The following DENND3 variants were observed in gnomAD, a reference collection of about 807,000 sequenced individuals.
DENND3 encodes DENN domain-containing protein 3.
In DENND3, 88 loss-of-function variants were observed where a neutral mutation model predicts 135.1. The observed-to-expected ratio is 0.65, with a 90% CI of 0.55 to 0.78. The LOEUF is 0.78. Ranked by LOEUF, DENND3 falls within the 30% of genes least tolerant of loss-of-function variation. The pLI is 0.00. For synonymous variants in DENND3, 693 were observed against 712.3 expected, an observed-to-expected ratio of 0.97 and a Z score of 0.43; for missense variants, 1,392 against 1,688.4, an observed-to-expected ratio of 0.82 and a Z score of 3.08.
At chr8:141,153,484 G>A (rs564243887) in intron 7 of DENND3, among the ~76,000 whole-genome samples, 1 of 152,186 alleles carries the variant, frequency 6.6e-6, no homozygotes, top group African/African-American at 2.4e-5. Context: ...TGCCAGCTTC[G>A]CAGTCACCCC....
At chr8:141,172,124 C>T (rs1482166812) in intron 13 of DENND3, among the ~76,000 whole-genome samples, 1 of 141,018 alleles carries the variant, frequency 7.1e-6, no homozygotes, top group Non-Finnish European at 1.5e-5. Flanking sequence ...TGGGCGTGCA[C>T]GGTGGTGGGC....
rs780428270 is a variant in DENND3 at position 141,175,333 on chromosome 8, T to C, written c.2409T>C (p.Cys803=). ...MEHLDKNECV[C]KLSSSVKTNL... ...ACCTGGATAAAAACGAGTGTGTGTGTAAGTTGTCCAGCTCCGTCAAGACAA... is the reference window on the plus strand; with the variant it reads ...ACCTGGATAAAAACGAGTGTGTGTGCAAGTTGTCCAGCTCCGTCAAGACAA... The change falls in exon 14 of 23, where the codon TGT becomes TGC. Residue 803 remains cysteine (C), a synonymous_variant. Coordinates refer to ENST00000519811, the MANE Select transcript of DENND3 (RefSeq NM_001352890.3). This position sits in a 1 kb window ranked among gnomAD's most constrained non-coding sequence, Gnocchi z 5.4. The C allele has an allele frequency of 1.2e-6, 2 of 1,614,250 alleles. No homozygotes were observed. Among genetic ancestry groups the C allele is most frequent in the Non-Finnish European group, 1.7e-6 (2 of 1,180,052 alleles).
In DENND3 at chr8:141,195,142, T is replaced by G. The variant is rs1825205895; in HGVS notation, c.*909T>G. 1 of 152,284 alleles carries G rather than the reference T, an allele frequency of 6.6e-6. No homozygotes were observed. Among genetic ancestry groups the G allele is most frequent in the South Asian group, 2.1e-4 (1 of 4,838 alleles). 9.4% of individuals were successfully genotyped at this position (152,284 alleles called of 1,614,324 possible). On this transcript the variant is annotated 3_prime_UTR_variant, in exon 23 of 23. Coordinates refer to ENST00000519811, the MANE Select transcript of DENND3 (RefSeq NM_001352890.3). ...TATGTGTACGCGCAGCATGCTATAC[T>G]GAACTCAACAAGATCTTGGCTGTAC...
rs1183600427 is a variant in DENND3, at chr8:141,174,444, T to A, written c.2276-756T>A. Among the ~76,000 whole-genome samples the A allele has an allele frequency of 6.6e-6, 1 of 152,060 alleles. No individual in the cohort carries two copies. On this transcript the variant is annotated intron_variant, in intron 13 of 22. Coordinates refer to ENST00000519811, the MANE Select transcript of DENND3 (RefSeq NM_001352890.3). The surrounding 1 kb of genome is among the most constrained non-coding windows in gnomAD (Gnocchi z 4.6). ...AGAGCCGAGCAGGCAGGCTAGGGGCTTGAGTTGGCAGGACCTGCCGGCAGG... is the reference window on the plus strand; with the variant it reads ...AGAGCCGAGCAGGCAGGCTAGGGGCATGAGTTGGCAGGACCTGCCGGCAGG...
intron 5 of DENND3, among the ~76,000 whole-genome samples, chr8:141,149,203 C>T (rs1390520512): frequency 6.6e-6 from 1 of 152,240 alleles, no homozygotes; most frequent in Admixed American, 6.5e-5. Flanking sequence ...AGCCACCACA[C>T]CCGGCCGAAT....
rs959649107 is a variant in DENND3, at chr8:141,154,997, C to G, written c.1075-852C>G. Among the ~76,000 whole-genome samples, 3 of 152,168 alleles carry G rather than the reference C, an allele frequency of 2.0e-5. No homozygotes were observed. Among genetic ancestry groups the G allele is most frequent in the African/African-American group, 7.2e-5 (3 of 41,430 alleles). On this transcript the variant is annotated intron_variant, in intron 7 of 22. Coordinates refer to ENST00000519811, the MANE Select transcript of DENND3 (RefSeq NM_001352890.3). The surrounding 1 kb of genome is among the most constrained non-coding windows in gnomAD (Gnocchi z 4.4). ...TCAGATGGGTGAGCCTCACAGACAT[C>G]AACGTGGAGTGAAATAGGCCAGTCC... is the stretch of plus-strand genomic sequence containing the variant.
chr8:141,175,084 C>CGCCACCT lies in DENND3; in HGVS notation c.2276-113_2276-107dup. On this transcript the variant is annotated intron_variant, in intron 13 of 22. Transcript: ENST00000519811. This position sits in a 1 kb window ranked among gnomAD's most constrained non-coding sequence, Gnocchi z 5.4. ...TTCCATCCAGCGCCCTGAGTGCTGG[C>CGCCACCT]GCCACCTGCTGCCGGGTTCCGGTAG... The CGCCACCT allele has an allele frequency of 8.0e-7, 1 of 1,256,974 alleles. No homozygotes were observed. Among genetic ancestry groups the CGCCACCT allele is most frequent in the African/African-American group, 1.5e-5 (1 of 66,846 alleles). 77.9% of individuals were successfully genotyped at this position (1,256,974 alleles called of 1,614,324 possible). A position where few individuals can be genotyped will look rare whatever the true frequency, so the allele number is the denominator to read the frequency against.
At chr8:141,143,251 CAG>C (rs1436273950) in intron 4 of DENND3, among the ~76,000 whole-genome samples, 2 of 152,138 alleles carry the variant, frequency 1.3e-5, no homozygotes, top group Non-Finnish European at 2.9e-5. Flanking sequence ...TTTTGGGAAT[CAG>C]AGTATGGGTA....
At chr8:141,149,038 G>A (rs1157974628) in intron 5 of DENND3, among the ~76,000 whole-genome samples, 1 of 151,914 alleles carries the variant, frequency 6.6e-6, no homozygotes, top group Non-Finnish European at 1.5e-5. Context: ...AACCTCCCGA[G>A]TAGCTGGGAT....
In DENND3 at chr8:141,185,257, T is replaced by G. The variant is rs1823743980; in HGVS notation, c.3063T>G (p.Phe1021Leu). ...ASSWTIHQHS[F>L]KVGTAKVNCM... ...CATGGACCATCCACCAGCACTCCTT[T>G]AAAGTGGGCACTGCAAAAGTGGTGA... The change falls in exon 18 of 23, where the codon TTT (phenylalanine) becomes TTG (leucine). Residue 1021 changes from phenylalanine (F) to leucine (L), a missense_variant. Phe to Leu is a conservative substitution (Grantham distance 22). Transcript: ENST00000519811. The G allele has an allele frequency of 6.2e-7, 1 of 1,614,148 alleles. No individual in the cohort carries two copies. The highest frequency in any genetic ancestry group is 8.5e-7 in the Non-Finnish European group (1 of 1,180,022).
Position 141,141,816 on chromosome 8 carries a change from G to A in DENND3, c.623+492G>A, listed in dbSNP as rs955156307. 2.6e-5 allele frequency: 5 copies of A among 192,438 alleles called. No homozygotes were observed. The highest frequency in any genetic ancestry group is 3.3e-5 in the Non-Finnish European group (3 of 90,888). The allele number at this position is 192,438 out of a possible 1,614,324, so 11.9% of individuals were successfully genotyped here. On this transcript the variant is annotated intron_variant, in intron 4 of 22. Transcript: ENST00000519811. The surrounding 1 kb of genome is among the most constrained non-coding windows in gnomAD (Gnocchi z 5.3). ...CCAGCATATTGGGAGACTAAGATGG[G>A]AGGACTGCTTGAGCCGAGGGGTTTG...
In DENND3 at chr8:141,146,661, C is replaced by T. The variant is rs1373532618; in HGVS notation, c.735+2402C>T. 1.3e-5 allele frequency among the ~76,000 whole-genome samples: 2 copies of T among 152,038 alleles called. No individual in the cohort carries two copies. The highest frequency in any genetic ancestry group is 4.8e-5 in the African/African-American group (2 of 41,386). ...CACATGATTGTGAACTTAAAATGTGCGTTTTTAACATTACCCCAACCCCAG... is the reference window on the plus strand; with the variant it reads ...CACATGATTGTGAACTTAAAATGTGTGTTTTTAACATTACCCCAACCCCAG... On this transcript the variant is annotated intron_variant, in intron 5 of 22. Coordinates refer to ENST00000519811, the MANE Select transcript of DENND3 (RefSeq NM_001352890.3). The surrounding 1 kb of genome is among the most constrained non-coding windows in gnomAD (Gnocchi z 4.3).
At chr8:141,153,749 T>C (rs1457146857) in intron 7 of DENND3, among the ~76,000 whole-genome samples, 1 of 152,186 alleles carries the variant, frequency 6.6e-6, no homozygotes, top group Admixed American at 6.5e-5. Flanking sequence ...AAATAAGCTG[T>C]GTTGTGAAGT....
In DENND3 at chr8:141,168,471, G is replaced by C. The variant is rs1390110778; in HGVS notation, c.2221G>C (p.Gly741Arg). ...GDFMKRVQES[G>R]IVKDASIIHR... ...CTTCATGAAGCGGGTCCAGGAGTCA[G>C]GGATCGTGAAGGACGCCAGCATCAT... The change falls in exon 13 of 23, where the codon GGG (glycine) becomes CGG (arginine). Residue 741 changes from glycine (G) to arginine (R), a missense_variant. Physicochemically the swap from Gly to Arg is moderately radical, Grantham distance 125 (BLOSUM62 -2). Transcript: ENST00000519811. This position sits in a 1 kb window ranked among gnomAD's most constrained non-coding sequence, Gnocchi z 6.2. 6.2e-7 allele frequency: 1 copy of C among 1,613,448 alleles called. No homozygotes were observed. The highest frequency in any genetic ancestry group is 8.5e-7 in the Non-Finnish European group (1 of 1,179,952).
At chr8:141,193,769 T>C (rs542704125) in intron 22 of DENND3, 1 of 548,582 alleles carries the variant, frequency 1.8e-6, no homozygotes, top group Admixed American at 3.1e-5. Flanking sequence ...TGTTGTTTGG[T>C]GAGAACACTT....
chr8:141,157,849 T>C, intron 8 of DENND3: 1 of 921,306 alleles, frequency 1.1e-6, no homozygotes, highest in Non-Finnish European at 1.3e-6. Flanking sequence ...AACCTCCGCC[T>C]TCCAGGTTCA....
At chr8:141,153,203 C>T (rs1251553538) in intron 7 of DENND3, among the ~76,000 whole-genome samples, 41 of 151,066 alleles carry the variant, frequency 2.7e-4, no homozygotes, top group Non-Finnish European at 6.0e-4. Context: ...AAGCGATTCT[C>T]CTGTCTCAGC....
In DENND3 at chr8:141,160,699, G is replaced by C; in HGVS notation, c.1264G>C (p.Glu422Gln). Residue 422 changes from glutamate to glutamine, a missense_variant, in exon 9 of 23, where the codon GAG becomes CAG. Coordinates refer to ENST00000519811, the MANE Select transcript of DENND3 (RefSeq NM_001352890.3). Reference sequence around the variant, plus strand: ...CCTCCTCTCCAGCACAGACCTGAAGGAGGGCCGAGCCCACCGGCGGTCCTG... The same window carrying C: ...CCTCCTCTCCAGCACAGACCTGAAGCAGGGCCGAGCCCACCGGCGGTCCTG... ...AHLLSSTDLK[E>Q]GRAHRRSWQQ... 1.2e-6 allele frequency: 2 copies of C among 1,613,472 alleles called. No homozygotes were observed. Among genetic ancestry groups the C allele is most frequent in the Non-Finnish European group, 1.7e-6 (2 of 1,179,902 alleles).
rs1825191423 is a variant in DENND3 at position 141,194,968 on chromosome 8, C to T, written c.*735C>T. ...AAAAAGTTCCATCTAAAATATCATGCCCAGGAAAGCACATGGGATCAAAAG... is the reference window on the plus strand; with the variant it reads ...AAAAAGTTCCATCTAAAATATCATGTCCAGGAAAGCACATGGGATCAAAAG... On this transcript the variant is annotated 3_prime_UTR_variant, in exon 23 of 23. Coordinates refer to ENST00000519811, the MANE Select transcript of DENND3 (RefSeq NM_001352890.3). 6.6e-6 allele frequency: 1 copy of T among 152,210 alleles called. No individual in the cohort carries two copies. The highest frequency in any genetic ancestry group is 6.5e-5 in the Admixed American group (1 of 15,280). 9.4% of individuals were successfully genotyped at this position (152,210 alleles called of 1,614,324 possible).
Sources: allele counts gnomAD v4.1 joint callset (sites outside exome capture counted in the v4.1 genomes callset), GRCh38; gene constraint gnomAD v4.1.1; non-coding constraint Gnocchi (gnomAD v3.1); transcripts MANE v1.5; gene names NCBI Gene and HGNC (gene_info 2026-07-23, HGNC 2026-07-21).